The following TMEM63A variants were observed in gnomAD, a reference collection of about 807,000 sequenced individuals.
TMEM63A encodes mechanosensitive cation channel TMEM63A.
A neutral mutation model predicts 100.6 loss-of-function variants in TMEM63A; 76 were observed. That is an observed-to-expected ratio of 0.76 (90% confidence interval 0.63 to 0.91). The LOEUF (loss-of-function observed/expected upper bound fraction) is 0.91. Among genes scored for constraint, TMEM63A ranks in the 40% least tolerant of loss-of-function variants. TMEM63A has a pLI of 0.00. For synonymous variants in TMEM63A, 401 were observed against 401.1 expected, an observed-to-expected ratio of 1.00 and a Z score of 0.00; for missense variants, 876 against 1,008.8, an observed-to-expected ratio of 0.87 and a Z score of 1.78.
intron 14 of TMEM63A, chr1:225,860,596 T>G: frequency 2.9e-6 from 1 of 340,542 alleles, no homozygotes; most frequent in Non-Finnish European, 5.2e-6. Flanking sequence ...AGCATGGCTA[T>G]TAGGAAATTT....
intron 15 of TMEM63A, among the ~76,000 whole-genome samples, chr1:225,858,131 G>A (rs1669731431): frequency 6.6e-6 from 1 of 152,032 alleles, no homozygotes; most frequent in Non-Finnish European, 1.5e-5. Flanking sequence ...GCTTTCCCAG[G>A]GAATGATTAA....
chr1:225,876,814 A>C (rs914731318), intron 3 of TMEM63A, among the ~76,000 whole-genome samples: 1 of 151,912 alleles, frequency 6.6e-6, no homozygotes. Context: ...CACCCGGCTA[A>C]TTTTTTGTAT....
chr1:225,867,014 G>A lies in TMEM63A; in HGVS notation c.566+98C>T, dbSNP rs2292563. 398,956 of 1,258,310 alleles carry A rather than the reference G, an allele frequency of 0.32. 69,675 individuals are homozygous for A. Among genetic ancestry groups the A allele is most frequent in the African/African-American group, 0.59 (39,605 of 67,368 alleles). The allele number at this position is 1,258,310 out of a possible 1,614,324, so 77.9% of individuals were successfully genotyped here. On this transcript the variant is annotated intron_variant, in intron 8 of 24. Coordinates refer to ENST00000366835, the MANE Select transcript of TMEM63A (RefSeq NM_014698.3). This position sits in a 1 kb window ranked among gnomAD's most constrained non-coding sequence, Gnocchi z 4.6. ...TGCAAGGGGCCTTCAGATACCAGCCGGCCCCCTTTGGAGTACCTCTGGCCT... is the reference window on the plus strand; with the variant it reads ...TGCAAGGGGCCTTCAGATACCAGCCAGCCCCCTTTGGAGTACCTCTGGCCT...
At chr1:225,843,133 C>T (rs112061919), downstream of TMEM63A, among the ~76,000 whole-genome samples, 9 of 152,250 alleles carry the variant, frequency 5.9e-5, no homozygotes, top group Non-Finnish European at 8.8e-5. Flanking sequence ...AGAACAATGC[C>T]GGGTGAACAG....
intron 1 of TMEM63A, among the ~76,000 whole-genome samples, chr1:225,881,775 T>G (rs1405986841): frequency 6.6e-6 from 1 of 152,134 alleles, no homozygotes; most frequent in Non-Finnish European, 1.5e-5. Context: ...TTAGCAGAGC[T>G]CGCCTCACCC....
intron 5 of TMEM63A, chr1:225,871,693 G>T: frequency 5.2e-6 from 2 of 384,810 alleles, no homozygotes; most frequent in Non-Finnish European, 9.3e-6. Context: ...AATCCAGCCA[G>T]CAAGTCCATA....
At chr1:225,842,433 C>T (rs1435162063), downstream of TMEM63A, 1 of 1,614,006 alleles carries the variant, frequency 6.2e-7, no homozygotes, top group Non-Finnish European at 8.5e-7. Context: ...CCACCTGGAC[C>T]AATACGGAAT....
At chr1:225,881,923 G>A (rs926254679) in intron 1 of TMEM63A, among the ~76,000 whole-genome samples, 3 of 152,120 alleles carry the variant, frequency 2.0e-5, no homozygotes, top group African/African-American at 7.2e-5. Context: ...AGAGTCGGAC[G>A]CTTGGCCCTT....
At position 225,879,469 on chromosome 1, in the gene TMEM63A, C is replaced by A. The variant is rs144965065; in HGVS notation, c.-205-59G>T. 6.6e-5 allele frequency: 10 copies of A among 152,480 alleles called. No individual in the cohort carries two copies. The East Asian group carries it at 1.7e-3, about 26-fold the overall frequency. The allele number at this position is 152,480 out of a possible 1,614,324, so 9.4% of individuals were successfully genotyped here. ...AGCCACCCTTTTCCAGTGTAGGGGT[C>A]TGGATGGAAACCCTCCAGCACACAC... On this transcript the variant is annotated intron_variant, in intron 1 of 24. Transcript: ENST00000366835.
intron 18 of TMEM63A, among the ~76,000 whole-genome samples, chr1:225,854,943 A>G (rs762733403): frequency 3.3e-5 from 5 of 152,202 alleles, no homozygotes; most frequent in African/African-American, 1.2e-4. Context: ...AGGCTCGGAT[A>G]AATGTGTCAG....
chr1:225,865,810 G>T lies in TMEM63A; in HGVS notation c.746+87C>A. On this transcript the variant is annotated intron_variant, in intron 10 of 24. Transcript: ENST00000366835. This position sits in a 1 kb window ranked among gnomAD's most constrained non-coding sequence, Gnocchi z 4.6. The stretch of plus-strand genomic sequence containing the variant: ...GATACCCAAGCGAGAGACAGAAGGC[G>T]CTCACCTAAGGTGCTCGCCCTGCGG... 7.3e-7 allele frequency: 1 copy of T among 1,365,612 alleles called. No homozygotes were observed. The highest frequency in any genetic ancestry group is 1.0e-6 in the Non-Finnish European group (1 of 974,390). 84.6% of individuals were successfully genotyped at this position (1,365,612 alleles called of 1,614,324 possible).
intron 22 of TMEM63A, 78 bp downstream of exon 22, chr1:225,848,819 G>A (rs922995742): frequency 2.1e-5 from 24 of 1,168,186 alleles, no homozygotes; most frequent in Non-Finnish European, 2.9e-5. Context: ...GACAAGGGTG[G>A]GCGGGGTTGA....
chr1:225,841,554 G>T (rs1041360419), downstream of TMEM63A, among the ~76,000 whole-genome samples: 2 of 150,018 alleles, frequency 1.3e-5, no homozygotes, highest in African/African-American at 4.9e-5. Flanking sequence ...AAAGTGCTGG[G>T]ATTACAGGTG....
chr1:225,847,002 C>A, intron 24 of TMEM63A, 32 bp downstream of exon 24: 2 of 1,576,578 alleles, frequency 1.3e-6, no homozygotes, highest in East Asian at 2.3e-5. Flanking sequence ...ACCCCACAGG[C>A]TCCCCTGAGC....
intron 2 of TMEM63A, among the ~76,000 whole-genome samples, chr1:225,878,885 T>TACCTACACAC (rs1491107467): frequency 6.4e-5 from 9 of 139,590 alleles, no homozygotes; most frequent in African/African-American, 1.9e-4. Flanking sequence ...CCTACCTACC[T>TACCTACACAC]ACACACACAC....
chr1:225,877,664 T>C (rs1433994617), intron 2 of TMEM63A, 70 bp from the exon 3 acceptor site: 35 of 1,459,284 alleles, frequency 2.4e-5, no homozygotes, highest in Non-Finnish European at 2.9e-5. Flanking sequence ...CCACCAGTGC[T>C]GGCAGAGCCA....
At chr1:225,854,229 C>A (rs1669499853) in intron 18 of TMEM63A, among the ~76,000 whole-genome samples, 1 of 152,176 alleles carries the variant, frequency 6.6e-6, no homozygotes, top group Admixed American at 6.5e-5. Context: ...ATACAAGACA[C>A]CTGAGGATGT....
At position 225,852,692 on chromosome 1, in the gene TMEM63A, G is replaced by A. The variant is rs1165768456; in HGVS notation, c.1875C>T (p.Ser625=). The change falls in exon 20 of 25, where the codon AGC becomes AGT. Residue 625 remains serine, a synonymous_variant. Coordinates refer to ENST00000366835, the MANE Select transcript of TMEM63A (RefSeq NM_014698.3). ...LCVFTVIVAY[S]ITCPIIAPFG... ...ATGGCGCGATGATGGGACAAGTGAT[G>A]CTGTAGGCCACGATGACAGTGAAGA... is the stretch of plus-strand genomic sequence containing the variant. 1 of 1,613,332 alleles carries A rather than the reference G, an allele frequency of 6.2e-7. No homozygotes were observed. Among genetic ancestry groups the A allele is most frequent in the African/African-American group, 1.3e-5 (1 of 74,908 alleles).
chr1:225,878,279 A>G (rs1670914060), intron 2 of TMEM63A, among the ~76,000 whole-genome samples: 1 of 152,220 alleles, frequency 6.6e-6, no homozygotes, highest in Admixed American at 6.5e-5. Context: ...CCTGACTCTC[A>G]GATGCCACTT....
Sources: allele counts gnomAD v4.1 joint callset (sites outside exome capture counted in the v4.1 genomes callset), GRCh38; gene constraint gnomAD v4.1.1; non-coding constraint Gnocchi (gnomAD v3.1); transcripts MANE v1.5; gene names NCBI Gene and HGNC (gene_info 2026-07-23, HGNC 2026-07-21).